The following SCHIP1 variants were observed in gnomAD, a reference collection of about 807,000 sequenced individuals.
SCHIP1 encodes schwannomin-interacting protein 1.
In SCHIP1, 8 loss-of-function variants were observed where a neutral mutation model predicts 29.7. The ratio of observed to expected loss-of-function variants is 0.27; its 90% confidence interval spans 0.16 to 0.49. SCHIP1 has a LOEUF of 0.49. Ranked by LOEUF, SCHIP1 falls within the 20% of genes least tolerant of loss-of-function variation. SCHIP1 has a pLI of 0.99. For missense variants in SCHIP1, 193 were observed against 294.6 expected, an observed-to-expected ratio of 0.66 and a Z score of 2.52; for synonymous variants, 76 against 94.9, an observed-to-expected ratio of 0.80 and a Z score of 1.16.
the SCHIP1 span, among the ~76,000 whole-genome samples, chr3:159,366,828 G>A: frequency 3.9e-5 from 6 of 151,964 alleles, no homozygotes; most frequent in Non-Finnish European, 5.9e-5. Context: ...CTTTTGATAG[G>A]AAAAAAGAGT....
chr3:159,488,488 T>TA, the SCHIP1 span, among the ~76,000 whole-genome samples: 9 of 152,022 alleles, frequency 5.9e-5, no homozygotes, highest in Non-Finnish European at 1.0e-4. Flanking sequence ...ATAATGTGTT[T>TA]AAAAAAAGAA....
the SCHIP1 span, among the ~76,000 whole-genome samples, chr3:159,667,476 A>T: frequency 6.6e-6 from 1 of 152,242 alleles, no homozygotes; most frequent in Non-Finnish European, 1.5e-5. Context: ...AGTGATGATC[A>T]GGGCATCCAA....
the SCHIP1 span, among the ~76,000 whole-genome samples, chr3:159,519,050 T>G: frequency 6.6e-6 from 1 of 152,086 alleles, no homozygotes; most frequent in Non-Finnish European, 1.5e-5. Context: ...ATACTAATAA[T>G]GTATGTCTTA....
At chr3:159,773,664 A>AT in the SCHIP1 span, among the ~76,000 whole-genome samples, 5 of 152,010 alleles carry the variant, frequency 3.3e-5, no homozygotes, top group South Asian at 2.1e-4. Flanking sequence ...CATTTTGTTG[A>AT]TTTTTTTCTT....
intron 1 of SCHIP1, among the ~76,000 whole-genome samples, chr3:159,864,220 A>G (rs1297409771): frequency 6.6e-6 from 1 of 152,102 alleles, no homozygotes; most frequent in African/African-American, 2.4e-5. Context: ...TTTTGGCTGG[A>G]CCATCCCAAG....
chr3:159,501,821 T>C, the SCHIP1 span, among the ~76,000 whole-genome samples: 3 of 152,218 alleles, frequency 2.0e-5, no homozygotes, highest in East Asian at 5.8e-4. Context: ...TATTTTCATA[T>C]ACATGATTAT....
chr3:159,856,451 G>A (rs1713377409), intron 1 of SCHIP1, among the ~76,000 whole-genome samples: 1 of 152,142 alleles, frequency 6.6e-6, no homozygotes, highest in African/African-American at 2.4e-5. Flanking sequence ...AGTTGTTTAT[G>A]TGTACATTCT....
the SCHIP1 span, among the ~76,000 whole-genome samples, chr3:159,332,508 C>A: frequency 3.3e-5 from 5 of 152,282 alleles, no homozygotes; most frequent in Admixed American, 3.3e-4. Flanking sequence ...TGGCCTTAAT[C>A]TTTTTATTTT....
At chr3:159,631,166 T>TAA in the SCHIP1 span, among the ~76,000 whole-genome samples, 7 of 144,616 alleles carry the variant, frequency 4.8e-5, no homozygotes, top group African/African-American at 1.5e-4. Flanking sequence ...TACTAAAACT[T>TAA]AAAAAAAAAA....
At chr3:159,717,743 C>T in the SCHIP1 span, among the ~76,000 whole-genome samples, 1 of 152,120 alleles carries the variant, frequency 6.6e-6, no homozygotes, top group East Asian at 1.9e-4. Flanking sequence ...AATTAAGAGC[C>T]TACCAACCAA....
intron 2 of SCHIP1, among the ~76,000 whole-genome samples, chr3:159,878,503 G>A (rs1171512267): frequency 6.7e-6 from 1 of 149,742 alleles, no homozygotes; most frequent in Non-Finnish European, 1.5e-5. Context: ...AATAGGCCGG[G>A]CGCGGTGGCT....
At chr3:159,761,178 A>G in the SCHIP1 span, among the ~76,000 whole-genome samples, 1 of 152,226 alleles carries the variant, frequency 6.6e-6, no homozygotes, top group Non-Finnish European at 1.5e-5. Flanking sequence ...TCAGATTTGC[A>G]TTTTAGTAAG....
the SCHIP1 span, among the ~76,000 whole-genome samples, chr3:159,504,546 T>C: frequency 6.6e-6 from 1 of 152,212 alleles, no homozygotes; most frequent in Non-Finnish European, 1.5e-5. Context: ...GCATTGCTTA[T>C]GGTTATCTTC....
At chr3:159,293,512 C>T in the SCHIP1 span, among the ~76,000 whole-genome samples, 1 of 152,214 alleles carries the variant, frequency 6.6e-6, no homozygotes, top group Non-Finnish European at 1.5e-5. Flanking sequence ...GTTTCTTGCT[C>T]TTGTCTTCAC....
chr3:159,821,568 TC>T, the SCHIP1 span, among the ~76,000 whole-genome samples: 1 of 152,232 alleles, frequency 6.6e-6, no homozygotes, highest in Non-Finnish European at 1.5e-5. Context: ...TGCCTTTCCA[TC>T]TTAACTAAGA....
chr3:159,405,974 G>A, the SCHIP1 span, among the ~76,000 whole-genome samples: 27 of 151,510 alleles, frequency 1.8e-4, no homozygotes, highest in South Asian at 4.4e-3. Context: ...CTAGAAAATA[G>A]CCTCAAGAGG....
At chr3:159,556,960 A>G in the SCHIP1 span, among the ~76,000 whole-genome samples, 262 of 151,314 alleles carry the variant, frequency 1.7e-3, no homozygotes, top group Non-Finnish European at 2.4e-3. Context: ...TAAAAAAAAA[A>G]GATTTTTTTT....
upstream of SCHIP1, among the ~76,000 whole-genome samples, chr3:159,834,987 T>G (rs1743531349): frequency 6.6e-6 from 1 of 152,194 alleles, no homozygotes. Flanking sequence ...GGGTGCGGCA[T>G]TCAAGGACCT....
the SCHIP1 span, among the ~76,000 whole-genome samples, chr3:159,516,199 A>G: frequency 6.6e-6 from 1 of 152,116 alleles, no homozygotes; most frequent in Non-Finnish European, 1.5e-5. Flanking sequence ...ATAAGCTCCC[A>G]AATCTTCACC....
Sources: gnomAD v4.1 joint callset for allele counts (sites outside exome capture counted in the v4.1 genomes callset) on GRCh38, gnomAD v4.1.1 for gene constraint, MANE v1.5 for transcripts, NCBI Gene and HGNC (gene_info 2026-07-23, HGNC 2026-07-21) for gene names.